SMYD3: variants seen among roughly 807,000 people sequenced by gnomAD.
SMYD3 encodes SET and MYND domain containing 3.
SMYD3 carries 36 observed loss-of-function variants against 57.7 expected under a neutral mutation model. That is an observed-to-expected ratio of 0.62 (90% CI 0.48 to 0.82). The LOEUF is 0.82. Among genes scored for constraint, SMYD3 ranks in the 40% least tolerant of loss-of-function variants. SMYD3 has a pLI of 0.00. For missense variants in SMYD3, 515 were observed against 538.8 expected (o/e 0.96, Z 0.44); for synonymous variants, 211 against 195.0 (o/e 1.08, Z -0.68).
intron 5 of SMYD3, among the ~76,000 whole-genome samples, chr1:246,166,961 TAG>T: frequency 6.6e-6 from 1 of 152,168 alleles, no homozygotes; most frequent in Non-Finnish European, 1.5e-5. Flanking sequence ...CCACAAGCCC[TAG>T]CGACCATCAA....
At chr1:246,239,724 G>C (rs143306160) in intron 5 of SMYD3, among the ~76,000 whole-genome samples, 32,031 of 151,340 alleles carry the variant, frequency 0.21, 4,111 homozygotes, top group East Asian at 0.58. Flanking sequence ...AAAAGTGTTC[G>C]TATTTCTCCA....
intron 5 of SMYD3, among the ~76,000 whole-genome samples, chr1:246,211,967 T>TAATC (rs2063095963): frequency 6.6e-6 from 1 of 151,044 alleles, no homozygotes; most frequent in Admixed American, 6.6e-5. Context: ...TTACCTCAGA[T>TAATC]AATCACTCAA....
intron 5 of SMYD3, among the ~76,000 whole-genome samples, chr1:246,081,698 G>T (rs2060639927): frequency 6.6e-6 from 1 of 152,076 alleles, no homozygotes; most frequent in African/African-American, 2.4e-5. Flanking sequence ...CCAGCCCCTA[G>T]CTTCTATTTT....
chr1:245,830,892 T>C (rs1324504323), intron 10 of SMYD3, among the ~76,000 whole-genome samples: 1 of 152,158 alleles, frequency 6.6e-6, no homozygotes, highest in African/African-American at 2.4e-5. Flanking sequence ...TGTTGAGTTT[T>C]AGAATTGGCA....
rs994915670 is a variant in SMYD3 at position 246,470,518 on chromosome 1, A to AT, written c.164+36535_164+36536insA. The stretch of plus-strand genomic sequence containing the variant: ...TAAAAATAAAAAAAAATTAAAAAAA[A>AT]AAATATATATATATATAATATATAC... On this transcript the variant is annotated intron_variant, in intron 1 of 11. Transcript: ENST00000490107. 2.7e-4 allele frequency among the ~76,000 whole-genome samples: 38 copies of AT among 141,524 alleles called. 1 individual carries two copies. The highest frequency in any genetic ancestry group is 9.1e-4 in the Admixed American group (13 of 14,304). The allele number at this position is 141,524 out of a possible 152,430, so 92.8% of individuals were successfully genotyped here. A position where few individuals can be genotyped will look rare whatever the true frequency, so the allele number is the denominator to read the frequency against.
intron 1 of SMYD3, among the ~76,000 whole-genome samples, chr1:246,444,015 G>T (rs942794704): frequency 6.6e-6 from 1 of 152,018 alleles, no homozygotes; most frequent in Non-Finnish European, 1.5e-5. Context: ...CTAAAAGAAA[G>T]AAATAAGGTA....
At chr1:246,364,951 G>A (rs2066074224) in intron 1 of SMYD3, among the ~76,000 whole-genome samples, 1 of 152,060 alleles carries the variant, frequency 6.6e-6, no homozygotes, top group Non-Finnish European at 1.5e-5. Flanking sequence ...GGATAGTTCA[G>A]ACAAATATGA....
At chr1:246,491,907 T>C (rs1055405611) in intron 1 of SMYD3, among the ~76,000 whole-genome samples, 10 of 152,332 alleles carry the variant, frequency 6.6e-5, no homozygotes, top group African/African-American at 2.4e-4. Context: ...AAGACCACTC[T>C]GTAATCATGT....
chr1:246,083,386 T>A (rs2060672481), intron 5 of SMYD3, among the ~76,000 whole-genome samples: 1 of 151,986 alleles, frequency 6.6e-6, no homozygotes, highest in Non-Finnish European at 1.5e-5. Flanking sequence ...TGCAGAGACA[T>A]TTGTTCACAT....
intron 5 of SMYD3, 168 bp downstream of exon 5, chr1:246,327,033 G>A (rs2065364560): frequency 2.7e-6 from 2 of 746,574 alleles, no homozygotes; most frequent in African/African-American, 1.8e-5. Context: ...CCTTCTCAAT[G>A]CACACAATAC....
At chr1:245,862,547 TCC>T (rs2051608306) in intron 9 of SMYD3, among the ~76,000 whole-genome samples, 1 of 151,756 alleles carries the variant, frequency 6.6e-6, no homozygotes, top group Non-Finnish European at 1.5e-5. Context: ...ACCTCTATTA[TCC>T]TCCCCATCTA....
At chr1:246,110,205 G>A (rs899120207) in intron 5 of SMYD3, among the ~76,000 whole-genome samples, 18 of 152,154 alleles carry the variant, frequency 1.2e-4, no homozygotes, top group East Asian at 5.8e-4. Flanking sequence ...CAGAAATCAG[G>A]TTCTGTCTTG....
At chr1:245,951,064 G>A (rs941004730) in intron 5 of SMYD3, among the ~76,000 whole-genome samples, 19 of 152,130 alleles carry the variant, frequency 1.2e-4, no homozygotes, top group African/African-American at 4.6e-4. Flanking sequence ...TAAGGTAAGT[G>A]ATGAAGGATA....
intron 5 of SMYD3, among the ~76,000 whole-genome samples, chr1:246,307,413 CTTTTTTTTTTT>C (rs869254416): frequency 4.2e-5 from 4 of 96,070 alleles, no homozygotes; most frequent in African/African-American, 1.6e-4. Context: ...TTAGGGGATT[CTTTTTTTTTTT>C]TTTTTTTTTT....
chr1:246,424,731 C>T (rs945846011), intron 1 of SMYD3, among the ~76,000 whole-genome samples: 2 of 152,154 alleles, frequency 1.3e-5, no homozygotes, highest in African/African-American at 4.8e-5. Flanking sequence ...TTTTGAACTA[C>T]TAGACATCGC....
intron 8 of SMYD3, among the ~76,000 whole-genome samples, chr1:245,884,550 C>T (rs2052976179): frequency 1.3e-5 from 2 of 152,064 alleles, no homozygotes; most frequent in Admixed American, 6.5e-5. Context: ...CTGGCCATCC[C>T]ACCCTAATCT....
At chr1:246,244,617 C>T (rs2063671860) in intron 5 of SMYD3, among the ~76,000 whole-genome samples, 1 of 152,100 alleles carries the variant, frequency 6.6e-6, no homozygotes, top group Non-Finnish European at 1.5e-5. Flanking sequence ...CTATGTCAGT[C>T]TGTTATGGCA....
rs569156038 is a variant in SMYD3 at position 245,859,994 on chromosome 1, C to G, written c.902-1324G>C. On this transcript the variant is annotated intron_variant, in intron 9 of 11. Coordinates refer to ENST00000490107, the MANE Select transcript of SMYD3 (RefSeq NM_001167740.2). Reference sequence around the variant, plus strand: ...TCCTCTCATGAGCCAGGGAGAGTTCCAGGTGTCAGAGACACAGTGGGGAAC... The same window carrying G: ...TCCTCTCATGAGCCAGGGAGAGTTCGAGGTGTCAGAGACACAGTGGGGAAC... Among the ~76,000 whole-genome samples, 27 of 152,290 alleles carry G rather than the reference C, an allele frequency of 1.8e-4. No homozygotes were observed. The South Asian group carries it at 5.6e-3, about 32-fold the overall frequency.
intron 5 of SMYD3, among the ~76,000 whole-genome samples, chr1:246,288,354 G>A (rs1218509481): frequency 2.0e-5 from 3 of 152,038 alleles, no homozygotes; most frequent in Non-Finnish European, 4.4e-5. Context: ...GCTCCACAGA[G>A]AAGCTTCTGG....
Sources: allele counts gnomAD v4.1 joint callset (sites outside exome capture counted in the v4.1 genomes callset), GRCh38; gene constraint gnomAD v4.1.1; transcripts MANE v1.5; gene names NCBI Gene and HGNC (gene_info 2026-07-23, HGNC 2026-07-21).